Variants in MTCL1 observed in about 807,000 individuals in gnomAD.
The protein encoded by MTCL1 is microtubule cross-linking factor 1.
In MTCL1, 79 loss-of-function variants were observed where a neutral mutation model predicts 141.4. That is an observed-to-expected ratio of 0.56 (90% CI 0.47 to 0.67). MTCL1 has a LOEUF of 0.67. MTCL1 is among the 30% of genes least tolerant of loss of function. The probability of loss-of-function intolerance (pLI) is 0.00; values close to 1 mark genes in which losing one functional copy is unlikely to be tolerated. For synonymous variants in MTCL1, 914 were observed against 875.8 expected, an observed-to-expected ratio of 1.04 and a Z score of -0.77; for missense variants, 2,177 against 2,113.9, an observed-to-expected ratio of 1.03 and a Z score of -0.59.
intron 4 of MTCL1, among the ~76,000 whole-genome samples, chr18:8,722,547 A>T (rs2096180312): frequency 6.6e-6 from 1 of 152,202 alleles, no homozygotes; most frequent in Admixed American, 6.5e-5. Context: ...CTGTATTCTT[A>T]TAATAAAGCT....
intron 4 of MTCL1, among the ~76,000 whole-genome samples, chr18:8,757,396 C>T (rs527662821): frequency 2.0e-5 from 3 of 152,134 alleles, no homozygotes; most frequent in African/African-American, 7.2e-5. Context: ...ATGTGTGTCC[C>T]GGCAACCAAG....
At chr18:8,768,954 C>G (rs1184056474) in intron 4 of MTCL1, among the ~76,000 whole-genome samples, 1 of 151,942 alleles carries the variant, frequency 6.6e-6, no homozygotes, top group Non-Finnish European at 1.5e-5. Context: ...AGCACGTGGG[C>G]CCAGCTAATT....
At chr18:8,738,133 C>T (rs901672643) in intron 4 of MTCL1, among the ~76,000 whole-genome samples, 14 of 152,268 alleles carry the variant, frequency 9.2e-5, no homozygotes, top group East Asian at 7.7e-4. Context: ...TGGGTAGCTA[C>T]GCAGTGGGGT....
At chr18:8,785,841 C>T in intron 6 of MTCL1, 95 bp from the exon 6 acceptor site, 1 of 1,460,160 alleles carries the variant, frequency 6.8e-7, no homozygotes. Context: ...TCTTTATCCC[C>T]CCTCCCTGCC....
intron 4 of MTCL1, among the ~76,000 whole-genome samples, chr18:8,773,671 T>C (rs1369467968): frequency 1.3e-5 from 2 of 152,230 alleles, no homozygotes; most frequent in Non-Finnish European, 2.9e-5. Context: ...TATGTTTTTT[T>C]GCATCTAAAA....
intron 1 of MTCL1, chr18:8,707,538 C>G (rs910401827): frequency 6.5e-6 from 1 of 152,798 alleles, no homozygotes; most frequent in Non-Finnish European, 1.5e-5. Flanking sequence ...GTGCTGCAGA[C>G]GGGGTTCCCG....
At chr18:8,800,298 G>A (rs1216968453) in intron 10 of MTCL1, 2 of 152,258 alleles carry the variant, frequency 1.3e-5, no homozygotes, top group Non-Finnish European at 2.9e-5. Flanking sequence ...TTAGTAGCAT[G>A]GGAAACCTAG....
intron 4 of MTCL1, among the ~76,000 whole-genome samples, chr18:8,767,809 A>T (rs1019993537): frequency 6.6e-6 from 1 of 152,204 alleles, no homozygotes; most frequent in East Asian, 1.9e-4. Flanking sequence ...AAAAATCTAT[A>T]AACAAAAACA....
chr18:8,769,315 G>A lies in MTCL1; in HGVS notation c.358-8518G>A, dbSNP rs565597691. On this transcript the variant is annotated intron_variant, in intron 4 of 16. Coordinates refer to ENST00000359865, the Ensembl canonical transcript of MTCL1. ...TTGGGATTCTTGCAGTTTGGGGGAA[G>A]GATACTTTGTTTTTGGTGCAGTCAT... Among the ~76,000 whole-genome samples the A allele has an allele frequency of 1.2e-3, 190 of 152,256 alleles. 1 individual carries two copies. The highest frequency in any genetic ancestry group is 4.4e-3 in the African/African-American group (181 of 41,544).
intron 4 of MTCL1, among the ~76,000 whole-genome samples, chr18:8,732,909 G>A (rs2096258006): frequency 6.6e-6 from 1 of 152,228 alleles, no homozygotes; most frequent in African/African-American, 2.4e-5. Flanking sequence ...GACAAGGGGA[G>A]CAGGAAATGG....
At chr18:8,774,242 C>A (rs1418585043) in intron 4 of MTCL1, among the ~76,000 whole-genome samples, 2 of 135,516 alleles carry the variant, frequency 1.5e-5, no homozygotes, top group African/African-American at 5.7e-5. Flanking sequence ...CACATACACA[C>A]ACTCTTTTCG....
intron 15 of MTCL1, 45 bp downstream of exon 14, chr18:8,826,277 C>G (rs1319935048): frequency 2.1e-6 from 3 of 1,461,976 alleles, no homozygotes; most frequent in Non-Finnish European, 2.7e-6. Context: ...CCAGCTCTTC[C>G]CTTTAGCTGT....
intron 4 of MTCL1, among the ~76,000 whole-genome samples, chr18:8,726,528 C>A (rs867360256): frequency 0.26 from 29,048 of 111,976 alleles, 3,679 homozygotes; most frequent in Admixed American, 0.37. Flanking sequence ...CGAGAGAGAG[C>A]GAGTGCGCAT....
At chr18:8,740,779 G>A (rs543104311) in intron 4 of MTCL1, among the ~76,000 whole-genome samples, 22 of 152,258 alleles carry the variant, frequency 1.4e-4, no homozygotes, top group African/African-American at 5.3e-4. Flanking sequence ...CACCGCACCC[G>A]GCTGAAATAA....
At chr18:8,732,096 ATTC>A (rs2096253456) in intron 4 of MTCL1, among the ~76,000 whole-genome samples, 1 of 151,940 alleles carries the variant, frequency 6.6e-6, no homozygotes, top group Non-Finnish European at 1.5e-5. Context: ...AGGTAACTTT[ATTC>A]TTTTAATCTT....
intron 7 of MTCL1, chr18:8,786,328 C>G: frequency 1.4e-6 from 1 of 694,398 alleles, no homozygotes; most frequent in Admixed American, 2.0e-5. Flanking sequence ...TCACTGTAGG[C>G]ACTGTCCACC....
At position 8,705,834 on chromosome 18, in the gene MTCL1, G is replaced by T. The variant is rs1400062914; in HGVS notation, c.174G>T (p.Ala58=). Residue 58 remains alanine (A), a synonymous_variant, in exon 1 of 14, where the codon GCG becomes GCT. Transcript: ENST00000306329. The surrounding 1 kb of genome is among the most constrained non-coding windows in gnomAD (Gnocchi z 5.2). ...AGGACCTGCACGCCCGGCCCGCCGC[G>T]CCCGGCCCGGCCGTCCCCTCCTCGG... is the stretch of plus-strand genomic sequence containing the variant. The T allele has an allele frequency of 1.0e-4, 120 of 1,171,662 alleles. No individual in the cohort carries two copies. The highest frequency in any genetic ancestry group is 1.2e-4 in the Non-Finnish European group (116 of 948,978). 72.6% of individuals were successfully genotyped at this position (1,171,662 alleles called of 1,614,324 possible). A position where few individuals can be genotyped will look rare whatever the true frequency, so the allele number is the denominator to read the frequency against.
chr18:8,781,056 A>G (rs185606007), intron 5 of MTCL1, among the ~76,000 whole-genome samples: 1 of 151,922 alleles, frequency 6.6e-6, no homozygotes, highest in Admixed American at 6.6e-5. Context: ...AGTCCCAGCT[A>G]CTCGGGAGGC....
At chr18:8,724,447 T>C (rs1283039112) in intron 4 of MTCL1, among the ~76,000 whole-genome samples, 1 of 152,136 alleles carries the variant, frequency 6.6e-6, no homozygotes, top group Non-Finnish European at 1.5e-5. Context: ...TTTTTCTTTC[T>C]CCACTCTATC....
Sources: allele counts gnomAD v4.1 joint callset (sites outside exome capture counted in the v4.1 genomes callset), GRCh38; gene constraint gnomAD v4.1.1; non-coding constraint Gnocchi (gnomAD v3.1); transcripts MANE v1.5; gene names NCBI Gene and HGNC (gene_info 2026-07-23, HGNC 2026-07-21).